The following MYOM1 variants were observed in gnomAD, a reference collection of about 807,000 sequenced individuals.
MYOM1 encodes the protein myomesin-1.
Under a neutral mutation model 205.3 loss-of-function variants are expected in MYOM1, and 164 were observed. The ratio of observed to expected loss-of-function variants is 0.80; its 90% CI spans 0.70 to 0.91. MYOM1 has a LOEUF of 0.91. Ranked by LOEUF, MYOM1 falls within the 40% of genes least tolerant of loss-of-function variation. MYOM1 has a pLI of 0.00. For synonymous variants in MYOM1, 772 were observed against 789.4 expected (o/e 0.98, Z 0.37); for missense variants, 2,011 against 2,127.3 (o/e 0.95, Z 1.08).
intron 37 of MYOM1, 23 bp from the exon 38 acceptor site, chr18:3,067,578 G>A: frequency 1.2e-6 from 2 of 1,601,188 alleles, no homozygotes; most frequent in Non-Finnish European, 1.7e-6. Flanking sequence ...TTTTATGGGA[G>A]AGAAGAAGAT....
At chr18:3,077,065 T>G (rs2079028201) in intron 34 of MYOM1, among the ~76,000 whole-genome samples, 1 of 150,570 alleles carries the variant, frequency 6.6e-6, no homozygotes, top group East Asian at 1.9e-4. Context: ...CAGGCTGGAG[T>G]GCAGTAGTGC....
At chr18:3,166,465 T>C (rs1320781525) in intron 9 of MYOM1, among the ~76,000 whole-genome samples, 1 of 151,870 alleles carries the variant, frequency 6.6e-6, no homozygotes, top group Non-Finnish European at 1.5e-5. Context: ...TTTGTTTTTT[T>C]AGTAGATATG....
At chr18:3,140,380 C>T (rs992690961) in intron 14 of MYOM1, among the ~76,000 whole-genome samples, 2 of 150,598 alleles carry the variant, frequency 1.3e-5, no homozygotes, top group Admixed American at 6.6e-5. Flanking sequence ...GCACTCCAGC[C>T]TGGGCAACAG....
At chr18:3,075,969 T>A (rs1162873909) in intron 34 of MYOM1, among the ~76,000 whole-genome samples, 1 of 152,166 alleles carries the variant, frequency 6.6e-6, no homozygotes, top group South Asian at 2.1e-4. Context: ...TATGAAATAG[T>A]AGATTTTAGA....
At chr18:3,097,893 C>T (rs535718797) in intron 25 of MYOM1, among the ~76,000 whole-genome samples, 16 of 152,290 alleles carry the variant, frequency 1.1e-4, no homozygotes, top group Admixed American at 7.8e-4. Flanking sequence ...GCCTACTGCC[C>T]GGACTAATTC....
intron 26 of MYOM1, among the ~76,000 whole-genome samples, chr18:3,091,431 A>T (rs1011643754): frequency 6.6e-6 from 1 of 152,056 alleles, no homozygotes; most frequent in Non-Finnish European, 1.5e-5. Flanking sequence ...GTGAGCCATG[A>T]TTGTGCCACT....
At chr18:3,107,051 T>C (rs2079460199) in intron 22 of MYOM1, among the ~76,000 whole-genome samples, 1 of 152,258 alleles carries the variant, frequency 6.6e-6, no homozygotes, top group Non-Finnish European at 1.5e-5. Flanking sequence ...GGTGGATTTA[T>C]TAAATAAATG....
At chr18:3,211,587 T>C (rs2081191118) in intron 2 of MYOM1, among the ~76,000 whole-genome samples, 1 of 152,246 alleles carries the variant, frequency 6.6e-6, no homozygotes, top group Non-Finnish European at 1.5e-5. Flanking sequence ...ATTATTAGCA[T>C]GAAACAGTAA....
At position 3,168,951 on chromosome 18, in the gene MYOM1, C is replaced by T. The variant is rs755208926; in HGVS notation, c.1205G>A (p.Arg402Gln). 8.1e-6 allele frequency: 13 copies of T among 1,613,164 alleles called. No homozygotes were observed. Among genetic ancestry groups the T allele is most frequent in the East Asian group, 2.2e-5 (1 of 44,844 alleles). The change falls in exon 9 of 38, where the codon CGG (arginine) becomes CAG (glutamine). Residue 402 changes from arginine (R) to glutamine (Q), a missense_variant. Arg to Gln is a conservative substitution (Grantham distance 43). Coordinates refer to ENST00000356443, the MANE Select transcript of MYOM1 (RefSeq NM_003803.4). ...FGVTPYGYAS[R>Q]FEIHFDDKFD... ...TTTGTCATCAAAGTGGATCTCAAAC[C>T]GGGATGCATAACCATATGGGGTCAC...
intron 25 of MYOM1, among the ~76,000 whole-genome samples, chr18:3,094,913 C>T (rs910897464): frequency 6.6e-6 from 1 of 151,986 alleles, no homozygotes; most frequent in Admixed American, 6.6e-5. Flanking sequence ...TCCTCCTTGG[C>T]CTCCCAAGGT....
intron 34 of MYOM1, among the ~76,000 whole-genome samples, chr18:3,077,956 C>G (rs1488116562): frequency 6.6e-6 from 1 of 152,088 alleles, no homozygotes; most frequent in Non-Finnish European, 1.5e-5. Flanking sequence ...ACCAAAAACA[C>G]TCACAGCAGG....
At chr18:3,093,817 G>A (rs768907522) in intron 26 of MYOM1, among the ~76,000 whole-genome samples, 1 of 152,164 alleles carries the variant, frequency 6.6e-6, no homozygotes, top group Non-Finnish European at 1.5e-5. Context: ...TCAAGTCCGT[G>A]CTGGGGTGTC....
chr18:3,079,303 C>G lies in MYOM1; in HGVS notation c.4524G>C (p.Gly1508=). The G allele has an allele frequency of 6.2e-7, 1 of 1,613,824 alleles. No homozygotes were observed. The highest frequency in any genetic ancestry group is 8.5e-7 in the Non-Finnish European group (1 of 1,179,806). Residue 1508 remains glycine (G), a synonymous_variant, in exon 34 of 38, where the codon GGG becomes GGC. Coordinates refer to ENST00000356443, the MANE Select transcript of MYOM1 (RefSeq NM_003803.4). ...AIRYSDRVKT[G]VTGEQIWLQI... ...GTAGCCAGATCTGCTCTCCAGTGACCCCGGTCTTAACTCTGTCTGAGTACC... is the reference window on the plus strand; with the variant it reads ...GTAGCCAGATCTGCTCTCCAGTGACGCCGGTCTTAACTCTGTCTGAGTACC...
Position 3,154,993 on chromosome 18 carries a change from G to A in MYOM1, c.1597C>T (p.Pro533Ser). 6.2e-7 allele frequency: 1 copy of A among 1,613,104 alleles called. No homozygotes were observed. Among genetic ancestry groups the A allele is most frequent in the Non-Finnish European group, 8.5e-7 (1 of 1,179,490 alleles). ...ATAGGACTCCCTCCATCGACAGCTG[G>A]CTGTTTCCAGGAGATGATGATATAA... Reference protein sequence around the residue: ...KDYIIISWKQPAVDGGSPILG... With the variant: ...KDYIIISWKQSAVDGGSPILG... The change falls in exon 11 of 38, where the codon CCA (proline) becomes TCA (serine). Residue 533 changes from proline (P) to serine (S), a missense_variant. Physicochemically the swap from Pro to Ser is moderately conservative, Grantham distance 74 (BLOSUM62 -1). Transcript: ENST00000356443.
At chr18:3,097,176 G>C (rs1475485808) in intron 25 of MYOM1, among the ~76,000 whole-genome samples, 1 of 152,044 alleles carries the variant, frequency 6.6e-6, no homozygotes, top group Non-Finnish European at 1.5e-5. Context: ...TCAAGAAAAC[G>C]ACTTCATCAA....
At chr18:3,141,780 T>A (rs1598716071) in intron 14 of MYOM1, among the ~76,000 whole-genome samples, 159 bp downstream of exon 14, 1 of 152,150 alleles carries the variant, frequency 6.6e-6, no homozygotes, top group African/African-American at 2.4e-5. Context: ...GTGATATACT[T>A]TGTTCTATGG....
At chr18:3,130,987 G>A (rs570936531) in intron 17 of MYOM1, among the ~76,000 whole-genome samples, 14 of 152,220 alleles carry the variant, frequency 9.2e-5, no homozygotes, top group Non-Finnish European at 2.1e-4. Flanking sequence ...AACAAGCCAG[G>A]CTCTGGCATA....
At position 3,135,227 on chromosome 18, in the gene MYOM1, G is replaced by A; in HGVS notation, c.2209+320C>T. On this transcript the variant is annotated intron_variant, in intron 15 of 37. Transcript: ENST00000356443. This position sits in a 1 kb window ranked among gnomAD's most constrained non-coding sequence, Gnocchi z 4.1. The stretch of plus-strand genomic sequence containing the variant: ...GGCCTCCCAAAGTGCTCAGATTACA[G>A]ACATGAGCCACCGCGCCTGGCCTAC... The A allele has an allele frequency of 3.5e-6, 1 of 289,432 alleles. No individual in the cohort carries two copies. Among genetic ancestry groups the A allele is most frequent in the Non-Finnish European group, 6.5e-6 (1 of 153,268 alleles). The allele number at this position is 289,432 out of a possible 1,614,324, so 17.9% of individuals were successfully genotyped here. A position where few individuals can be genotyped will look rare whatever the true frequency, so the allele number is the denominator to read the frequency against.
chr18:3,151,473 T>A (rs867101424), intron 12 of MYOM1, among the ~76,000 whole-genome samples: 3 of 143,928 alleles, frequency 2.1e-5, no homozygotes, highest in South Asian at 2.1e-4. Context: ...TAAAATAAAA[T>A]AAATAAAATA....
Sources: allele counts gnomAD v4.1 joint callset (sites outside exome capture counted in the v4.1 genomes callset), GRCh38; gene constraint gnomAD v4.1.1; non-coding constraint Gnocchi (gnomAD v3.1); transcripts MANE v1.5; gene names NCBI Gene and HGNC (gene_info 2026-07-23, HGNC 2026-07-21).